TXNDC12: variants seen among roughly 807,000 people sequenced by gnomAD.
TXNDC12 encodes thioredoxin domain-containing protein 12.
TXNDC12 carries 22 observed loss-of-function variants against 24.2 expected under a neutral mutation model. The ratio of observed to expected loss-of-function variants is 0.91; its 90% CI spans 0.65 to 1.30. The LOEUF is 1.30. Among genes scored for constraint, TXNDC12 ranks in the 50% most tolerant of loss-of-function variants. The pLI, the probability that TXNDC12 is intolerant of heterozygous loss-of-function variation, is 0.00. For synonymous variants in TXNDC12, 58 were observed against 73.4 expected (o/e 0.79, Z 1.07); for missense variants, 184 against 205.8 (o/e 0.89, Z 0.65).
At chr1:52,038,958 A>T (rs527374452) in intron 2 of TXNDC12, among the ~76,000 whole-genome samples, 53 of 134,022 alleles carry the variant, frequency 4.0e-4, no homozygotes, top group African/African-American at 9.3e-4. Flanking sequence ...CTTTAAAAAA[A>T]TTTTTTTTTG....
chr1:52,022,127 G>GT (rs1233043027), intron 6 of TXNDC12, among the ~76,000 whole-genome samples: 2 of 152,168 alleles, frequency 1.3e-5, no homozygotes, highest in Admixed American at 6.5e-5. Flanking sequence ...GGGGAAGAAG[G>GT]TAATAGCTTC....
chr1:52,033,648 T>G, intron 2 of TXNDC12: 1 of 1,611,512 alleles, frequency 6.2e-7, no homozygotes. Flanking sequence ...CCAGGACAGC[T>G]GCGTCGTCCA....
chr1:52,050,393 TAA>T (rs887370779), intron 1 of TXNDC12, among the ~76,000 whole-genome samples: 1 of 152,184 alleles, frequency 6.6e-6, no homozygotes, highest in African/African-American at 2.4e-5. Flanking sequence ...ATCTGCAAAG[TAA>T]AGTCTCCCAC....
intron 2 of TXNDC12, among the ~76,000 whole-genome samples, chr1:52,038,434 C>T (rs1436065931): frequency 6.6e-6 from 1 of 151,962 alleles, no homozygotes; most frequent in African/African-American, 2.4e-5. Context: ...CCTCAGCCTC[C>T]CAAGTAGCTG....
At position 52,023,519 on chromosome 1, in the gene TXNDC12, G is replaced by A; in HGVS notation, c.411C>T (p.Tyr137=). 1 of 1,614,058 alleles carries A rather than the reference G, an allele frequency of 6.2e-7. No individual in the cohort carries two copies. The highest frequency in any genetic ancestry group is 1.1e-5 in the South Asian group (1 of 91,076). ...GCTCGGCACTGACATAAAAATACTT[G>A]TAGCTGGGGTTTCCATTCTCATTGA... ...EIINENGNPS[Y]KYFYVSAEQV... The change falls in exon 6 of 7, where the codon TAC becomes TAT. Residue 137 remains tyrosine, a synonymous_variant. Coordinates refer to ENST00000371626, the MANE Select transcript of TXNDC12 (RefSeq NM_015913.4).
intron 2 of TXNDC12, among the ~76,000 whole-genome samples, chr1:52,038,899 T>A (rs992932313): frequency 1.1e-5 from 1 of 93,934 alleles, no homozygotes; most frequent in Admixed American, 1.6e-4. Flanking sequence ...TTTTTTCTTT[T>A]TCTGTTTTTT....
Position 52,033,669 on chromosome 1 carries a change from C to T in TXNDC12, c.159-5039G>A, listed in dbSNP as rs749916278. 169 of 1,611,142 alleles carry T rather than the reference C, an allele frequency of 1.0e-4. 2 individuals carry two copies. The South Asian group carries it at 1.4e-3, about 13-fold the overall frequency. ...CAGCTGCGTCGTCCACCACGTACAC[C>T]GCGCGGCCCTCGGCAGCCAGCGCCA... is the stretch of plus-strand genomic sequence containing the variant. On this transcript the variant is annotated intron_variant, in intron 2 of 6. Transcript: ENST00000371626.
upstream of TXNDC12, chr1:52,055,365 TC>T (rs1686320970): frequency 9.2e-6 from 4 of 436,080 alleles, no homozygotes; most frequent in African/African-American, 2.0e-5. Flanking sequence ...ATTCTGGGTG[TC>T]CAGGTCCCGG....
Position 52,023,474 on chromosome 1 carries a change from C to T in TXNDC12, c.439+17G>A. The T allele has an allele frequency of 6.2e-7, 1 of 1,603,190 alleles. No individual in the cohort carries two copies. The highest frequency in any genetic ancestry group is 8.5e-7 in the Non-Finnish European group (1 of 1,170,174). ...TCAATCTAGCAATAATCCTCCCTCC[C>T]TTCAGCATAACTATACCTTGCTCGG... On this transcript the variant is annotated intron_variant, in intron 6 of 6. Transcript: ENST00000371626.
At chr1:52,054,724 C>A (rs1351144443) in intron 1 of TXNDC12, among the ~76,000 whole-genome samples, 1 of 152,230 alleles carries the variant, frequency 6.6e-6, no homozygotes, top group East Asian at 1.9e-4. Context: ...AGGCACTATG[C>A]TGGGCTCTTA....
chr1:52,028,134 A>AT (rs1408983032), intron 3 of TXNDC12, among the ~76,000 whole-genome samples: 2 of 151,520 alleles, frequency 1.3e-5, no homozygotes, highest in Non-Finnish European at 2.9e-5. Context: ...CTTTTATACT[A>AT]TTTTTTACAC....
rs1557991291 is a variant in TXNDC12, at chr1:52,028,568, TTGCAC to T, written c.211+5_211+9del. Reference sequence around the variant, plus strand: ...TGAGTTTTGAATTTAGATTGAGCATTTGCACTTACCTTTGCAAGCTCCACACCAGG... The same window carrying T: ...TGAGTTTTGAATTTAGATTGAGCATTTTACCTTTGCAAGCTCCACACCAGG... On this transcript the variant is annotated splice_donor_5th_base_variant and intron_variant, in intron 3 of 6. Transcript: ENST00000371626. The T allele has an allele frequency of 1.2e-6, 2 of 1,609,516 alleles. No individual in the cohort carries two copies. The highest frequency in any genetic ancestry group is 2.2e-5 in the South Asian group (2 of 89,942).
chr1:52,034,079 T>C (rs115458405), intron 2 of TXNDC12: 17,713 of 1,304,364 alleles, frequency 0.014, 120 homozygotes, highest in Non-Finnish European at 0.015. Flanking sequence ...TTGTAAGCAA[T>C]CAGCACTATA....
rs529993742 is a variant in TXNDC12, at chr1:52,024,843, C to T, written c.286-264G>A. On this transcript the variant is annotated intron_variant, in intron 4 of 6. Transcript: ENST00000371626. ...CACAGGCTTTTGGACTTGCTCTTAA[C>T]TCTCTGCTGAACACACTTTCCCCAT... 6.6e-5 allele frequency among the ~76,000 whole-genome samples: 10 copies of T among 152,334 alleles called. No individual in the cohort carries two copies. In the East Asian group the frequency reaches 1.7e-3, roughly 26 times the overall value.
intron 6 of TXNDC12, among the ~76,000 whole-genome samples, chr1:52,022,778 C>G (rs1285462568): frequency 6.6e-6 from 1 of 151,628 alleles, no homozygotes; most frequent in Non-Finnish European, 1.5e-5. Context: ...GTAGCTGGGA[C>G]TACAGGCACC....
At chr1:52,041,693 G>A (rs867084674) in intron 1 of TXNDC12, 96 bp from the exon 2 acceptor site, 2 of 752,692 alleles carry the variant, frequency 2.7e-6, no homozygotes, top group Non-Finnish European at 2.2e-6. Flanking sequence ...CACTAAGAAG[G>A]TTTTCTTCTG....
At chr1:52,023,343 T>C (rs1466493344) in intron 6 of TXNDC12, 148 bp downstream of exon 6, 1 of 596,954 alleles carries the variant, frequency 1.7e-6, no homozygotes, top group Admixed American at 2.9e-5. Context: ...CTTCCTCCTA[T>C]ATCCTACACA....
At chr1:52,022,126 G>C (rs1003877260) in intron 6 of TXNDC12, among the ~76,000 whole-genome samples, 1 of 152,174 alleles carries the variant, frequency 6.6e-6, no homozygotes, top group Non-Finnish European at 1.5e-5. Flanking sequence ...AGGGGAAGAA[G>C]GTAATAGCTT....
At chr1:52,024,645 G>T in intron 4 of TXNDC12, 66 bp from the exon 5 acceptor site, 3 of 1,317,440 alleles carry the variant, frequency 2.3e-6, no homozygotes, top group South Asian at 2.5e-5. Flanking sequence ...CCATTCAGTG[G>T]CTTCCCCACT....
Sources: gnomAD v4.1 joint callset for allele counts (sites outside exome capture counted in the v4.1 genomes callset) on GRCh38, gnomAD v4.1.1 for gene constraint, MANE v1.5 for transcripts, NCBI Gene and HGNC (gene_info 2026-07-23, HGNC 2026-07-21) for gene names.